Variants in ARHGAP42 observed in about 807,000 individuals in gnomAD.
ARHGAP42 encodes rho GTPase-activating protein 42.
A neutral mutation model predicts 125.0 loss-of-function variants in ARHGAP42; 63 were observed. The ratio of observed to expected loss-of-function variants is 0.50; its 90% CI spans 0.41 to 0.62. ARHGAP42 has a LOEUF of 0.62. Among genes scored for constraint, ARHGAP42 ranks in the 20% least tolerant of loss-of-function variants. The probability of loss-of-function intolerance (pLI) is 0.00; values close to 1 mark genes in which losing one functional copy is unlikely to be tolerated. For missense variants in ARHGAP42, 766 were observed against 1,024.2 expected (o/e 0.75, Z 3.44); for synonymous variants, 339 against 351.0 (o/e 0.97, Z 0.38).
At chr11:100,861,100 G>A (rs1865434359) in intron 4 of ARHGAP42, among the ~76,000 whole-genome samples, 1 of 152,152 alleles carries the variant, frequency 6.6e-6, no homozygotes, top group African/African-American at 2.4e-5. Context: ...ATCTGAACTT[G>A]TCCAGGAAAT....
intron 1 of ARHGAP42, among the ~76,000 whole-genome samples, chr11:100,760,545 A>C (rs1862677060): frequency 6.6e-6 from 1 of 151,810 alleles, no homozygotes; most frequent in African/African-American, 2.4e-5. Context: ...CTAAAAATAC[A>C]AAAAAATTAG....
At chr11:100,792,714 G>A (rs1863593252) in intron 2 of ARHGAP42, among the ~76,000 whole-genome samples, 1 of 148,294 alleles carries the variant, frequency 6.7e-6, no homozygotes, top group African/African-American at 2.5e-5. Flanking sequence ...TTTGTATAAT[G>A]TTGTTTTCCC....
chr11:100,720,996 T>C (rs1861748760), intron 1 of ARHGAP42, among the ~76,000 whole-genome samples: 1 of 152,084 alleles, frequency 6.6e-6, no homozygotes, highest in Admixed American at 6.6e-5. Flanking sequence ...AATTACAATA[T>C]TACCCACCTC....
chr11:100,943,959 G>GT (rs971979909), intron 10 of ARHGAP42, 91 bp downstream of exon 10: 6 of 818,048 alleles, frequency 7.3e-6, no homozygotes, highest in Admixed American at 3.0e-5. Flanking sequence ...GCATTCAAGT[G>GT]TTTTTTAGTC....
chr11:100,944,626 A>G (rs1447490682), intron 10 of ARHGAP42, among the ~76,000 whole-genome samples: 1 of 151,988 alleles, frequency 6.6e-6, no homozygotes, highest in Admixed American at 6.6e-5. Context: ...AATAAAGCGA[A>G]TATCATAATA....
intron 3 of ARHGAP42, among the ~76,000 whole-genome samples, chr11:100,813,767 A>G (rs1261462111): frequency 1.3e-5 from 2 of 152,182 alleles, no homozygotes; most frequent in Admixed American, 1.3e-4. Flanking sequence ...AATCCCTCTA[A>G]TAGGTATATA....
chr11:100,721,560 C>T (rs898148019), intron 1 of ARHGAP42, among the ~76,000 whole-genome samples: 1 of 151,820 alleles, frequency 6.6e-6, no homozygotes, highest in Non-Finnish European at 1.5e-5. Context: ...GCAACCTCTG[C>T]CTCCCGGGTT....
intron 1 of ARHGAP42, among the ~76,000 whole-genome samples, chr11:100,694,969 T>G (rs1331784543): frequency 6.6e-6 from 1 of 152,210 alleles, no homozygotes; most frequent in African/African-American, 2.4e-5. Context: ...AGGCAGAGGT[T>G]GCAGTGAGCT....
At chr11:100,774,954 G>C (rs1359211716) in intron 2 of ARHGAP42, among the ~76,000 whole-genome samples, 1 of 152,178 alleles carries the variant, frequency 6.6e-6, no homozygotes, top group East Asian at 1.9e-4. Context: ...TCGAGACCCA[G>C]TGGGGAATTC....
chr11:100,918,762 A>C (rs1405893564), intron 5 of ARHGAP42, among the ~76,000 whole-genome samples: 1 of 152,188 alleles, frequency 6.6e-6, no homozygotes, highest in Non-Finnish European at 1.5e-5. Context: ...TGGTGTATCA[A>C]ATTTCAGTAG....
intron 17 of ARHGAP42, among the ~76,000 whole-genome samples, chr11:100,970,150 G>A (rs769072828): frequency 3.3e-5 from 5 of 151,902 alleles, no homozygotes; most frequent in South Asian, 2.1e-4. Flanking sequence ...CACCACACCC[G>A]GCTAATTTTG....
At chr11:100,740,465 A>G (rs1862160807) in intron 1 of ARHGAP42, among the ~76,000 whole-genome samples, 1 of 152,216 alleles carries the variant, frequency 6.6e-6, no homozygotes, top group South Asian at 2.1e-4. Flanking sequence ...AACAAAAGCT[A>G]GTCAGTCATG....
intron 3 of ARHGAP42, among the ~76,000 whole-genome samples, chr11:100,795,577 C>A (rs959476810): frequency 5.9e-5 from 9 of 152,036 alleles, no homozygotes; most frequent in African/African-American, 2.2e-4. Flanking sequence ...TAAAAGGTAA[C>A]GCTTGAGTTG....
At chr11:100,936,434 T>A in intron 8 of ARHGAP42, 102 bp downstream of exon 8, 1 of 1,435,812 alleles carries the variant, frequency 7.0e-7, no homozygotes, top group Non-Finnish European at 9.4e-7. Flanking sequence ...GACTGAAATT[T>A]CTTATAGCTT....
chr11:100,890,525 A>G (rs1303552770), intron 4 of ARHGAP42, among the ~76,000 whole-genome samples: 1 of 152,172 alleles, frequency 6.6e-6, no homozygotes, highest in African/African-American at 2.4e-5. Flanking sequence ...TAACCTCTTA[A>G]GGACCCCAAA....
Position 100,850,369 on chromosome 11 carries a change from T to A in ARHGAP42, c.313-9185T>A, listed in dbSNP as rs537309330. ...GGTGATTGTAACACAATGGTAAGCA[T>A]CTGTGTATCTAAACATATTAAACAC... is the stretch of plus-strand genomic sequence containing the variant. On this transcript the variant is annotated intron_variant, in intron 3 of 23. Transcript: ENST00000298815. Among the ~76,000 whole-genome samples the A allele has an allele frequency of 8.5e-5, 13 of 152,278 alleles. No individual in the cohort carries two copies. In the East Asian group the frequency reaches 2.1e-3, roughly 25 times the overall value.
intron 4 of ARHGAP42, among the ~76,000 whole-genome samples, chr11:100,887,676 T>G (rs772407606): frequency 3.3e-5 from 5 of 152,186 alleles, no homozygotes; most frequent in Non-Finnish European, 7.4e-5. Context: ...CAGGATGACC[T>G]TTTAACTCCT....
chr11:100,923,732 C>T lies in ARHGAP42; in HGVS notation c.597+2128C>T, dbSNP rs565432489. On this transcript the variant is annotated intron_variant, in intron 6 of 23. Transcript: ENST00000298815. Reference sequence around the variant, plus strand: ...TGTCATGCATGCCTTTCTTATGACACCACAGTCAAAATTGATGTTATATTT... The same window carrying T: ...TGTCATGCATGCCTTTCTTATGACATCACAGTCAAAATTGATGTTATATTT... Among the ~76,000 whole-genome samples the T allele has an allele frequency of 2.8e-4, 43 of 152,208 alleles. 1 individual carries two copies. The highest frequency in any genetic ancestry group is 8.9e-4 in the African/African-American group (37 of 41,494).
intron 1 of ARHGAP42, among the ~76,000 whole-genome samples, chr11:100,762,494 A>G (rs1314889634): frequency 6.6e-6 from 1 of 152,164 alleles, no homozygotes; most frequent in East Asian, 1.9e-4. Context: ...TAGTTACTCA[A>G]ACTTCCTTCA....
Sources: gnomAD v4.1 joint callset for allele counts (sites outside exome capture counted in the v4.1 genomes callset) on GRCh38, gnomAD v4.1.1 for gene constraint, MANE v1.5 for transcripts, NCBI Gene and HGNC (gene_info 2026-07-23, HGNC 2026-07-21) for gene names.